Variants in AKAP7 observed in about 807,000 individuals in gnomAD.
AKAP7 encodes A kinase (PRKA) anchor protein 7.
Under a neutral mutation model 39.5 loss-of-function variants are expected in AKAP7, and 39 were observed. The observed-to-expected ratio is 0.99, with a 90% CI of 0.76 to 1.29. The LOEUF (loss-of-function observed/expected upper bound fraction) is 1.29. Among genes scored for constraint, AKAP7 ranks in the 50% most tolerant of loss-of-function variants. AKAP7 has a pLI of 0.00. For synonymous variants in AKAP7, 140 were observed against 139.1 expected, an observed-to-expected ratio of 1.01 and a Z score of -0.05; for missense variants, 414 against 407.7, an observed-to-expected ratio of 1.02 and a Z score of -0.13.
In AKAP7 at chr6:131,281,679, G is replaced by C; in HGVS notation, c.1000G>C (p.Glu334Gln). 6.2e-7 allele frequency: 1 copy of C among 1,612,714 alleles called. No individual in the cohort carries two copies. Among genetic ancestry groups the C allele is most frequent in the South Asian group, 1.1e-5 (1 of 90,846 alleles). ...KPGEGSSVKTEAADQNGNDNE... is the reference protein window; with the variant it reads ...KPGEGSSVKTQAADQNGNDNE... ...GGGGGAGGGGAGCTCTGTGAAAACC[G>C]AAGCAGCTGATCAGAATGGCAATGA... Residue 334 changes from glutamate (E) to glutamine (Q), a missense_variant, in exon 8 of 8, where the codon GAA becomes CAA. Transcript: ENST00000431975. The surrounding 1 kb of genome is among the most constrained non-coding windows in gnomAD (Gnocchi z 4.0).
rs1221493841 is a variant in AKAP7, at chr6:131,241,621, G to GTATACGTATATATA, written c.850+21814_850+21815insATACGTATATATAT. On this transcript the variant is annotated intron_variant, in intron 7 of 7. Transcript: ENST00000431975. ...TGTGTGTGTGTGTGTGTGTGTGTGT[G>GTATACGTATATATA]TGTGTGTATATATATATGACAGTTA... 1.8e-3 allele frequency among the ~76,000 whole-genome samples: 129 copies of GTATACGTATATATA among 71,572 alleles called. 6 individuals are homozygous for GTATACGTATATATA. Among genetic ancestry groups the GTATACGTATATATA allele is most frequent in the African/African-American group, 4.3e-3 (81 of 19,038 alleles). 47.0% of individuals were successfully genotyped at this position (71,572 alleles called of 152,430 possible). A position where few individuals can be genotyped will look rare whatever the true frequency, so the allele number is the denominator to read the frequency against.
intron 2 of AKAP7, among the ~76,000 whole-genome samples, chr6:131,153,038 G>C (rs779995890): frequency 1.1e-4 from 17 of 151,176 alleles, no homozygotes; most frequent in Admixed American, 3.3e-4. Context: ...GCTGAGGCAG[G>C]AGAATGGCGT....
intron 6 of AKAP7, among the ~76,000 whole-genome samples, chr6:131,211,592 C>T (rs1205970820): frequency 2.0e-5 from 3 of 150,578 alleles, no homozygotes; most frequent in African/African-American, 7.4e-5. Context: ...GGTGAAACCC[C>T]ATCTCTACTA....
At chr6:131,218,878 A>G (rs1331676597) in intron 6 of AKAP7, among the ~76,000 whole-genome samples, 4 of 152,172 alleles carry the variant, frequency 2.6e-5, no homozygotes, top group Admixed American at 2.0e-4. Flanking sequence ...AATTACCTCC[A>G]TCTTATTAGG....
At chr6:131,130,177 G>A in the AKAP7 span, among the ~76,000 whole-genome samples, 1 of 152,320 alleles carries the variant, frequency 6.6e-6, no homozygotes, top group East Asian at 1.9e-4. Flanking sequence ...GGGAAATGGG[G>A]CAGTGTCTGT....
intron 7 of AKAP7, among the ~76,000 whole-genome samples, chr6:131,268,681 G>T (rs1814018612): frequency 1.3e-5 from 2 of 152,204 alleles, no homozygotes; most frequent in African/African-American, 4.8e-5. Context: ...GAACAGGAAA[G>T]TGACCTTATT....
intron 3 of AKAP7, among the ~76,000 whole-genome samples, chr6:131,163,724 A>T (rs1261176846): frequency 6.6e-6 from 1 of 152,186 alleles, no homozygotes; most frequent in Non-Finnish European, 1.5e-5. Context: ...AGTATATGAA[A>T]ATATGTGTTT....
At chr6:131,263,168 T>C (rs1158341441) in intron 7 of AKAP7, among the ~76,000 whole-genome samples, 1 of 152,150 alleles carries the variant, frequency 6.6e-6, no homozygotes, top group African/African-American at 2.4e-5. Context: ...GAAGGGAAAA[T>C]GTAATGGCTC....
intron 6 of AKAP7, among the ~76,000 whole-genome samples, chr6:131,200,564 G>A (rs1190813): frequency 0.15 from 22,336 of 151,996 alleles, 2,096 homozygotes; most frequent in Middle Eastern, 0.23. Flanking sequence ...AGTCTTTTGG[G>A]CCCTTTAAAT....
intron 7 of AKAP7, chr6:131,242,249 A>G: frequency 1.1e-6 from 1 of 948,104 alleles, no homozygotes; most frequent in Non-Finnish European, 1.3e-6. Flanking sequence ...ACAGTTTTAT[A>G]TTTGGTACCA....
chr6:131,215,562 G>A (rs1373774780), intron 6 of AKAP7, among the ~76,000 whole-genome samples: 1 of 152,210 alleles, frequency 6.6e-6, no homozygotes, highest in Non-Finnish European at 1.5e-5. Flanking sequence ...TCAGGAGGAT[G>A]GTGAAAATGA....
chr6:131,259,824 G>T (rs949852179), intron 7 of AKAP7, among the ~76,000 whole-genome samples: 3 of 152,102 alleles, frequency 2.0e-5, no homozygotes, highest in Admixed American at 1.3e-4. Context: ...TAAGTTCTGG[G>T]ATACCTGTGC....
intron 5 of AKAP7, among the ~76,000 whole-genome samples, chr6:131,194,978 T>C (rs938443455): frequency 2.6e-5 from 4 of 152,166 alleles, no homozygotes; most frequent in Non-Finnish European, 4.4e-5. Context: ...GAATCTTGTC[T>C]TTTTAAATCC....
At chr6:131,165,605 A>G (rs1177077788) in intron 4 of AKAP7, among the ~76,000 whole-genome samples, 1 of 152,222 alleles carries the variant, frequency 6.6e-6, no homozygotes, top group East Asian at 1.9e-4. Flanking sequence ...GTACCAATAC[A>G]TGCAAGAGCT....
At chr6:131,272,107 C>G (rs1814332881) in intron 7 of AKAP7, among the ~76,000 whole-genome samples, 1 of 152,120 alleles carries the variant, frequency 6.6e-6, no homozygotes, top group Non-Finnish European at 1.5e-5. Context: ...ATTTCTGTGT[C>G]TTTTAAGGAA....
chr6:131,136,778 G>C (rs1439188844), intron 1 of AKAP7: 9 of 842,992 alleles, frequency 1.1e-5, no homozygotes, highest in African/African-American at 3.7e-5. Flanking sequence ...TTATGAGGAG[G>C]AAAGGAAAGC....
upstream of AKAP7, among the ~76,000 whole-genome samples, chr6:131,135,364 C>G (rs1800436480): frequency 2.0e-5 from 3 of 152,338 alleles, no homozygotes; most frequent in East Asian, 5.8e-4. Context: ...CCTGGGCTGC[C>G]GTGACGCCGC....
chr6:131,269,153 C>T (rs1164469719), intron 7 of AKAP7, among the ~76,000 whole-genome samples: 1 of 152,050 alleles, frequency 6.6e-6, no homozygotes, highest in African/African-American at 2.4e-5. Context: ...ACCTTCGCCT[C>T]CTGGGTTCAA....
chr6:131,169,111 A>G lies in AKAP7; in HGVS notation c.429-2A>G, dbSNP rs750192558. 1 of 1,600,488 alleles carries G rather than the reference A, an allele frequency of 6.2e-7. No individual in the cohort carries two copies. The highest frequency in any genetic ancestry group is 8.6e-7 in the Non-Finnish European group (1 of 1,168,708). ...ACTGAAAAATGTATTATTTCTTACTAGTGGTATTGATGCTCTTTTGGAATT... is the reference window on the plus strand; with the variant it reads ...ACTGAAAAATGTATTATTTCTTACTGGTGGTATTGATGCTCTTTTGGAATT... On this transcript the variant is annotated splice_acceptor_variant, in intron 4 of 7. Transcript: ENST00000431975. LOFTEE classifies it high-confidence loss of function.
Sources: allele counts gnomAD v4.1 joint callset (sites outside exome capture counted in the v4.1 genomes callset), GRCh38; gene constraint gnomAD v4.1.1; non-coding constraint Gnocchi (gnomAD v3.1); transcripts MANE v1.5; gene names NCBI Gene and HGNC (gene_info 2026-07-23, HGNC 2026-07-21).